KPNA3: variants seen among roughly 807,000 people sequenced by gnomAD.
KPNA3 encodes the protein karyopherin subunit alpha 3, also known as importin subunit alpha-4.
KPNA3 carries 13 observed loss-of-function variants against 73.8 expected under a neutral mutation model. The ratio of observed to expected loss-of-function variants is 0.18; its 90% CI spans 0.11 to 0.28. KPNA3 has a LOEUF of 0.28. Among genes scored for constraint, KPNA3 ranks in the 10% least tolerant of loss-of-function variants. The pLI, the probability that KPNA3 is intolerant of heterozygous loss-of-function variation, is 1.00. For synonymous variants in KPNA3, 186 were observed against 206.9 expected (o/e 0.90, Z 0.87); for missense variants, 360 against 618.1 (o/e 0.58, Z 4.43).
intron 6 of KPNA3, among the ~76,000 whole-genome samples, chr13:49,727,522 T>C (rs4941655): frequency 0.12 from 18,080 of 149,794 alleles, 2,158 homozygotes; most frequent in East Asian, 0.58. Context: ...TTAAGGAGAA[T>C]AGATGTCAGA....
intron 1 of KPNA3, among the ~76,000 whole-genome samples, chr13:49,770,390 G>A (rs561174264): frequency 1.3e-5 from 2 of 151,932 alleles, no homozygotes; most frequent in East Asian, 1.9e-4. Flanking sequence ...TGTTTAGGCT[G>A]GTCTCGAAAT....
chr13:49,704,842 G>A (rs1307674303), intron 15 of KPNA3, among the ~76,000 whole-genome samples: 5 of 152,138 alleles, frequency 3.3e-5, no homozygotes, highest in African/African-American at 9.7e-5. Context: ...AAATATCTAG[G>A]TGACTCAGAA....
chr13:49,744,247 A>T (rs1298079654), intron 2 of KPNA3, among the ~76,000 whole-genome samples: 1 of 152,182 alleles, frequency 6.6e-6, no homozygotes, highest in Non-Finnish European at 1.5e-5. Context: ...TTAAAGTGTT[A>T]AGACTGGAAA....
In KPNA3 at chr13:49,767,208, G is replaced by A. The variant is rs370121486; in HGVS notation, c.70-20215C>T. Reference sequence around the variant, plus strand: ...GAGGTGGGCGGATCACTTGAGGTCAGGAGTTCGAGACCAGCCTGGCCAACA... The same window carrying A: ...GAGGTGGGCGGATCACTTGAGGTCAAGAGTTCGAGACCAGCCTGGCCAACA... On this transcript the variant is annotated intron_variant, in intron 1 of 16. Coordinates refer to ENST00000261667, the MANE Select transcript of KPNA3 (RefSeq NM_002267.4). Among the ~76,000 whole-genome samples, 19 of 151,888 alleles carry A rather than the reference G, an allele frequency of 1.3e-4. No homozygotes were observed. The East Asian group carries it at 3.1e-3, about 25-fold the overall frequency.
At chr13:49,781,214 C>T (rs1258577988) in intron 1 of KPNA3, among the ~76,000 whole-genome samples, 1 of 152,156 alleles carries the variant, frequency 6.6e-6, no homozygotes, top group Non-Finnish European at 1.5e-5. Context: ...CCACTAGGTA[C>T]ACACTTCCAT....
rs1444895724 is a variant in KPNA3, at chr13:49,734,914, T to TATAC, written c.115-1869_115-1868insGTAT. ...AATTTTGACTTTATATATATATATA[T>TATAC]ACACACACATATATATATATATATA... On this transcript the variant is annotated intron_variant, in intron 2 of 16. Transcript: ENST00000261667. 6.9e-4 allele frequency among the ~76,000 whole-genome samples: 96 copies of TATAC among 139,980 alleles called. 2 individuals carry two copies. The East Asian group carries it at 0.012, about 17-fold the overall frequency. 91.8% of individuals were successfully genotyped at this position (139,980 alleles called of 152,430 possible). A position where few individuals can be genotyped will look rare whatever the true frequency, so the allele number is the denominator to read the frequency against.
chr13:49,769,070 T>C (rs1350552865), intron 1 of KPNA3, among the ~76,000 whole-genome samples: 1 of 152,228 alleles, frequency 6.6e-6, no homozygotes, highest in African/African-American at 2.4e-5. Context: ...TTGTCTGCTT[T>C]TGATCACTCT....
intron 2 of KPNA3, among the ~76,000 whole-genome samples, chr13:49,734,759 CA>C (rs142616560): frequency 6.6e-6 from 1 of 152,200 alleles, no homozygotes; most frequent in Non-Finnish European, 1.5e-5. Flanking sequence ...TGTGGTTTTA[CA>C]TGTGTCTATT....
At chr13:49,789,081 G>GT in intron 1 of KPNA3, among the ~76,000 whole-genome samples, 1 of 152,146 alleles carries the variant, frequency 6.6e-6, no homozygotes, top group South Asian at 2.1e-4. Flanking sequence ...TGAATTCTAG[G>GT]TATTACTGCC....
intron 7 of KPNA3, among the ~76,000 whole-genome samples, 191 bp from the exon 8 acceptor site, chr13:49,722,754 C>G (rs527411256): frequency 7.5e-5 from 11 of 147,608 alleles, no homozygotes; most frequent in Non-Finnish European, 1.2e-4. Flanking sequence ...CCGTAACCAA[C>G]TGGCAGTATC....
chr13:49,768,787 T>C (rs532272122), intron 1 of KPNA3, among the ~76,000 whole-genome samples: 2 of 152,276 alleles, frequency 1.3e-5, no homozygotes, highest in African/African-American at 2.4e-5. Flanking sequence ...ACTGCATGCA[T>C]AGTATTTAAA....
chr13:49,768,850 T>G (rs1954831078), intron 1 of KPNA3, among the ~76,000 whole-genome samples: 1 of 152,194 alleles, frequency 6.6e-6, no homozygotes, highest in South Asian at 2.1e-4. Context: ...GGACTCACTT[T>G]CTTTGTAGCT....
Position 49,700,479 on chromosome 13 carries a change from A to G in KPNA3, c.*1321T>C, listed in dbSNP as rs1037359521. 1.3e-5 allele frequency: 2 copies of G among 152,700 alleles called. No homozygotes were observed. Among genetic ancestry groups the G allele is most frequent in the African/African-American group, 4.8e-5 (2 of 41,474 alleles). 9.5% of individuals were successfully genotyped at this position (152,700 alleles called of 1,614,324 possible). Reference sequence around the variant, plus strand: ...TGGGTCAGACAATTTACCAAAAGCAATAACTTGACATAGTAATACCGGATT... The same window carrying G: ...TGGGTCAGACAATTTACCAAAAGCAGTAACTTGACATAGTAATACCGGATT... On this transcript the variant is annotated 3_prime_UTR_variant, in exon 17 of 17. Transcript: ENST00000261667.
At chr13:49,745,516 C>T (rs1224951954) in intron 2 of KPNA3, among the ~76,000 whole-genome samples, 1 of 151,924 alleles carries the variant, frequency 6.6e-6, no homozygotes, top group Non-Finnish European at 1.5e-5. Context: ...TGTGCCACCA[C>T]ACCCAACTAA....
intron 1 of KPNA3, among the ~76,000 whole-genome samples, chr13:49,780,265 C>T (rs542254082): frequency 3.9e-5 from 6 of 152,194 alleles, no homozygotes; most frequent in East Asian, 3.9e-4. Flanking sequence ...GCTGCTTTTG[C>T]GCTCAAGACA....
At chr13:49,733,282 G>GTTTTTTTTTTTT (rs760449062) in intron 2 of KPNA3, among the ~76,000 whole-genome samples, 2 of 100,916 alleles carry the variant, frequency 2.0e-5, no homozygotes, top group Non-Finnish European at 3.8e-5. Context: ...CCACTGTGGT[G>GTTTTTTTTTTTT]TTTTTTTTTT....
At chr13:49,786,110 G>C (rs1389552306) in intron 1 of KPNA3, among the ~76,000 whole-genome samples, 1 of 152,154 alleles carries the variant, frequency 6.6e-6, no homozygotes. Flanking sequence ...ATACATTATA[G>C]GAGAACAGGC....
At chr13:49,784,580 C>T (rs1954966928) in intron 1 of KPNA3, among the ~76,000 whole-genome samples, 1 of 152,154 alleles carries the variant, frequency 6.6e-6, no homozygotes, top group Admixed American at 6.5e-5. Flanking sequence ...TAGAATGTTA[C>T]TTAGCCATAC....
intron 1 of KPNA3, among the ~76,000 whole-genome samples, chr13:49,768,791 A>AT (rs1457675213): frequency 1.3e-5 from 2 of 152,172 alleles, no homozygotes; most frequent in African/African-American, 4.8e-5. Context: ...CATGCATAGT[A>AT]TTTAAAAACT....
Sources: gnomAD v4.1 joint callset for allele counts (sites outside exome capture counted in the v4.1 genomes callset) on GRCh38, gnomAD v4.1.1 for gene constraint, MANE v1.5 for transcripts, NCBI Gene and HGNC (gene_info 2026-07-23, HGNC 2026-07-21) for gene names.